Variants in SMCP observed in about 807,000 individuals in gnomAD.
SMCP encodes the protein sperm mitochondrial-associated cysteine-rich protein.
For synonymous variants in SMCP, 41 were observed against 46.9 expected (o/e 0.87, Z 0.51); for missense variants, 137 against 137.1 (o/e 1.00, Z 0.01).
In SMCP at chr1:152,884,596, C is replaced by A. The variant is rs1649155042; in HGVS notation, c.174C>A (p.Cys58Ter). 1.9e-6 allele frequency: 3 copies of A among 1,614,176 alleles called. No homozygotes were observed. The highest frequency in any genetic ancestry group is 2.5e-6 in the Non-Finnish European group (3 of 1,180,046). The change falls in exon 2 of 2, where the codon TGC (cysteine) becomes TGA (stop). Residue 58 changes from cysteine to a stop codon, truncating the protein, a stop_gained. Transcript: ENST00000368765. LOFTEE classifies it low-confidence loss of function (END_TRUNC). ...GCTGCCCACCAAAACACAATCACTG[C>A]TGCCAGCCAAAACCCCCATGCTGCA... ...SQCCPPKHNH[C>*]CQPKPPCCIQ...
chr1:152,884,427 G>A lies in SMCP; in HGVS notation c.5G>A (p.Cys2Tyr). Reference protein sequence around the residue: MCDQTKHSKCCP... With the variant: MYDQTKHSKCCP... ...GTACCTCCAAGTGTTCAGAAGATGT[G>A]TGACCAGACAAAACACAGTAAATGC... Residue 2 changes from cysteine (C) to tyrosine (Y), a missense_variant, in exon 2 of 2, where the codon TGT becomes TAT. By Grantham distance (194) the Cys-to-Tyr change is radical. Coordinates refer to ENST00000368765, the MANE Select transcript of SMCP (RefSeq NM_030663.3). 1 of 1,614,180 alleles carries A rather than the reference G, an allele frequency of 6.2e-7. No individual in the cohort carries two copies. The highest frequency in any genetic ancestry group is 8.5e-7 in the Non-Finnish European group (1 of 1,180,032).
chr1:152,884,374 C>A, intron 1 of SMCP, 29 bp from the exon 2 acceptor site: 2 of 1,579,400 alleles, frequency 1.3e-6, no homozygotes, highest in Non-Finnish European at 1.7e-6. Context: ...AGATTTCCTT[C>A]TGATGAGAAT....
rs550820713 is a variant in SMCP, at chr1:152,884,934, C to T, written c.*161C>T. The T allele has an allele frequency of 3.0e-6, 2 of 661,086 alleles. No homozygotes were observed. Among genetic ancestry groups the T allele is most frequent in the South Asian group, 2.0e-5 (1 of 48,830 alleles). The allele number at this position is 661,086 out of a possible 1,614,324, so 41.0% of individuals were successfully genotyped here. On this transcript the variant is annotated 3_prime_UTR_variant, in exon 2 of 2. Coordinates refer to ENST00000368765, the MANE Select transcript of SMCP (RefSeq NM_030663.3). ...GAGAGGCTCCTATTTCCCATCATAG[C>T]TCCCTACCCTAGGGAGGCCTCCATC...
chr1:152,880,152 A>G (rs566829676), intron 1 of SMCP, among the ~76,000 whole-genome samples: 2 of 152,296 alleles, frequency 1.3e-5, no homozygotes, highest in East Asian at 3.9e-4. Context: ...AAAGGCAAAA[A>G]TAAACACAGA....
intron 1 of SMCP, 108 bp from the exon 2 acceptor site, chr1:152,884,295 G>A: frequency 2.0e-6 from 2 of 995,700 alleles, no homozygotes; most frequent in South Asian, 1.6e-5. Context: ...CTCAACCCTG[G>A]TCTGAGTCAT....
intron 1 of SMCP, among the ~76,000 whole-genome samples, chr1:152,880,366 G>A (rs1279720372): frequency 1.3e-5 from 2 of 152,180 alleles, no homozygotes; most frequent in African/African-American, 2.4e-5. Flanking sequence ...GTGTGTGCGT[G>A]TGGACACACA....
intron 1 of SMCP, among the ~76,000 whole-genome samples, chr1:152,883,164 A>C (rs1649108172): frequency 6.6e-6 from 1 of 152,190 alleles, no homozygotes; most frequent in Non-Finnish European, 1.5e-5. Flanking sequence ...GTCACTCCAA[A>C]TCCCACACCC....
chr1:152,883,195 G>A (rs898242213), intron 1 of SMCP, among the ~76,000 whole-genome samples: 6 of 152,224 alleles, frequency 3.9e-5, no homozygotes, highest in Non-Finnish European at 8.8e-5. Context: ...ACCAGTGACA[G>A]GGCTCTGACA....
At chr1:152,881,826 G>A (rs1167212017) in intron 1 of SMCP, among the ~76,000 whole-genome samples, 1 of 152,188 alleles carries the variant, frequency 6.6e-6, no homozygotes, top group Admixed American at 6.5e-5. Flanking sequence ...CAAAGGGGAA[G>A]GACCTTCTTC....
chr1:152,883,905 C>T (rs912312779), intron 1 of SMCP, among the ~76,000 whole-genome samples: 8 of 152,182 alleles, frequency 5.3e-5, no homozygotes, highest in Admixed American at 4.6e-4. Flanking sequence ...ATGGGTGCCA[C>T]ATTAGAGACA....
At position 152,884,598 on chromosome 1, in the gene SMCP, G is replaced by T. The variant is rs1649155193; in HGVS notation, c.176G>T (p.Cys59Phe). 6.2e-7 allele frequency: 1 copy of T among 1,614,114 alleles called. No individual in the cohort carries two copies. Among genetic ancestry groups the T allele is most frequent in the Non-Finnish European group, 8.5e-7 (1 of 1,180,028 alleles). Residue 59 changes from cysteine (C) to phenylalanine (F), a missense_variant, in exon 2 of 2, where the codon TGC becomes TTC. By Grantham distance (205) the Cys-to-Phe change is radical. Coordinates refer to ENST00000368765, the MANE Select transcript of SMCP (RefSeq NM_030663.3). Reference sequence around the variant, plus strand: ...TGCCCACCAAAACACAATCACTGCTGCCAGCCAAAACCCCCATGCTGCATT... The same window carrying T: ...TGCCCACCAAAACACAATCACTGCTTCCAGCCAAAACCCCCATGCTGCATT... ...QCCPPKHNHC[C>F]QPKPPCCIQA...
At chr1:152,881,640 A>T (rs1649050478) in intron 1 of SMCP, among the ~76,000 whole-genome samples, 1 of 145,692 alleles carries the variant, frequency 6.9e-6, no homozygotes, top group African/African-American at 2.6e-5. Flanking sequence ...GTGAGCCGAG[A>T]TTGCGCCACT....
chr1:152,880,944 A>C (rs1303129307), intron 1 of SMCP, among the ~76,000 whole-genome samples: 1 of 5,934 alleles, frequency 1.7e-4, no homozygotes, highest in African/African-American at 6.6e-4. Flanking sequence ...GGAGATTCAA[A>C]CATAGGGGTC....
At chr1:152,879,516 C>T (rs893616891) in intron 1 of SMCP, among the ~76,000 whole-genome samples, 17 of 152,272 alleles carry the variant, frequency 1.1e-4, no homozygotes, top group African/African-American at 3.4e-4. Context: ...CCATTGTGCC[C>T]GGCCAAGGAG....
At chr1:152,884,320 ATGTATT>A (rs1649143942) in intron 1 of SMCP, 77 bp from the exon 2 acceptor site, 1 of 1,153,826 alleles carries the variant, frequency 8.7e-7, no homozygotes, top group Non-Finnish European at 1.2e-6. Flanking sequence ...CTGAAGATGG[ATGTATT>A]TGGGTGTCAA....
rs1372610107 is a variant in SMCP at position 152,884,637 on chromosome 1, G to A, written c.215G>A (p.Cys72Tyr). 6.2e-7 allele frequency: 1 copy of A among 1,614,192 alleles called. No homozygotes were observed. The highest frequency in any genetic ancestry group is 8.5e-7 in the Non-Finnish European group (1 of 1,180,042). Residue 72 changes from cysteine to tyrosine, a missense_variant, in exon 2 of 2, where the codon TGT becomes TAT. Cys to Tyr is a radical substitution (Grantham distance 194). Coordinates refer to ENST00000368765, the MANE Select transcript of SMCP (RefSeq NM_030663.3). Reference protein sequence around the residue: ...KPPCCIQARCCGLETKPEVSP... With the variant: ...KPPCCIQARCYGLETKPEVSP... Reference sequence around the variant, plus strand: ...CCATGCTGCATTCAGGCCAGGTGCTGTGGTTTGGAGACCAAGCCTGAAGTC... The same window carrying A: ...CCATGCTGCATTCAGGCCAGGTGCTATGGTTTGGAGACCAAGCCTGAAGTC...
chr1:152,884,281 C>A, intron 1 of SMCP, 122 bp from the exon 2 acceptor site: 1 of 879,050 alleles, frequency 1.1e-6, no homozygotes, highest in Non-Finnish European at 1.7e-6. Flanking sequence ...TCCAGCTCTG[C>A]TTTCTCAACC....
At chr1:152,878,680 A>G (rs1178852465) in intron 1 of SMCP, among the ~76,000 whole-genome samples, 1 of 152,216 alleles carries the variant, frequency 6.6e-6, no homozygotes, top group Non-Finnish European at 1.5e-5. Context: ...TATGGAACTA[A>G]CAGACCACAA....
chr1:152,878,669 T>C (rs1408654630), intron 1 of SMCP, among the ~76,000 whole-genome samples: 1 of 152,182 alleles, frequency 6.6e-6, no homozygotes, highest in Non-Finnish European at 1.5e-5. Context: ...ATGCCTGTGT[T>C]TATGGAACTA....
Sources: gnomAD v4.1 joint callset for allele counts (sites outside exome capture counted in the v4.1 genomes callset) on GRCh38, gnomAD v4.1.1 for gene constraint, MANE v1.5 for transcripts, NCBI Gene and HGNC (gene_info 2026-07-23, HGNC 2026-07-21) for gene names.